Variants in CCER1 observed in about 807,000 individuals in gnomAD.
CCER1 encodes coiled-coil domain-containing glutamate-rich protein 1.
For missense variants in CCER1, 573 were observed against 524.5 expected (o/e 1.09, Z -0.90); for synonymous variants, 246 against 213.8 (o/e 1.15, Z -1.31).
chr12:90,954,009 C>A lies in CCER1; in HGVS notation c.734G>T (p.Gly245Val). The A allele has an allele frequency of 2.5e-6, 4 of 1,614,198 alleles. No individual in the cohort carries two copies. The highest frequency in any genetic ancestry group is 3.4e-6 in the Non-Finnish European group (4 of 1,180,044). The change falls in exon 1 of 1, where the codon GGA becomes GTA. Residue 245 changes from glycine (G) to valine (V), a missense_variant. Gly to Val is a moderately radical substitution (Grantham distance 109, BLOSUM62 -3). Transcript: ENST00000358859. The part of the protein sequence containing the change: ...APPGGSKETW[G>V]LQETLYGFVQ... ...AAAGCCATACAGAGTTTCCTGCAGT[C>A]CCCAGGTTTCCTTGCTGCCGCCAGG...
chr12:90,954,731 G>T lies in CCER1; in HGVS notation c.12C>A (p.Thr4=). MTQ[T]LDTREDPLNL... is the part of the protein sequence containing the mutation. ...TCAGAGGGTCTTCCCTTGTGTCGAG[G>T]GTCTGAGTCATGGTTCAGGGAGCTC... is the stretch of plus-strand genomic sequence containing the variant. Residue 4 remains threonine (T), a synonymous_variant, in exon 1 of 1, where the codon ACC becomes ACA. Coordinates refer to ENST00000358859, the MANE Select transcript of CCER1 (RefSeq NM_152638.4). 1 of 1,550,608 alleles carries T rather than the reference G, an allele frequency of 6.4e-7. No individual in the cohort carries two copies. Among genetic ancestry groups the T allele is most frequent in the South Asian group, 1.2e-5 (1 of 84,152 alleles).
At position 90,954,369 on chromosome 12, in the gene CCER1, CAG is replaced by C; in HGVS notation, c.372_373del (p.Cys124TrpfsTer53). The C allele has an allele frequency of 6.2e-7, 1 of 1,610,864 alleles. No individual in the cohort carries two copies. Among genetic ancestry groups the C allele is most frequent in the Non-Finnish European group, 8.5e-7 (1 of 1,179,918 alleles). ...CCAGCCAGGGTTCCAGGACCCGCTC[CAG>C]CAGGAGCAGCAGCAAAAGCAGAGAG... On this transcript the variant is annotated frameshift_variant, in exon 1 of 1. Coordinates refer to ENST00000358859, the MANE Select transcript of CCER1 (RefSeq NM_152638.4). LOFTEE classifies it low-confidence loss of function (END_TRUNC).
At position 90,954,656 on chromosome 12, in the gene CCER1, C is replaced by A; in HGVS notation, c.87G>T (p.Ser29=). The A allele has an allele frequency of 6.3e-7, 1 of 1,599,992 alleles. No individual in the cohort carries two copies. The highest frequency in any genetic ancestry group is 8.5e-7 in the Non-Finnish European group (1 of 1,174,612). The change falls in exon 1 of 1, where the codon TCG becomes TCT. Residue 29 remains serine (S), a synonymous_variant. Transcript: ENST00000358859. ...GGGCGCGWAH[S]ASLSSWSSCH... Reference sequence around the variant, plus strand: ...AGGACGACCAGGAGCTCAAGGAGGCCGAGTGTGCCCAGCCACAGCCACAGC... The same window carrying A: ...AGGACGACCAGGAGCTCAAGGAGGCAGAGTGTGCCCAGCCACAGCCACAGC...
chr12:90,953,272 T>A lies in CCER1; in HGVS notation c.*250A>T. Reference sequence around the variant, plus strand: ...AGGGGAAAACACCAAATGAAAATATTCAAATGGTAGTAATAAAATACTTGG... The same window carrying A: ...AGGGGAAAACACCAAATGAAAATATACAAATGGTAGTAATAAAATACTTGG... On this transcript the variant is annotated 3_prime_UTR_variant, in exon 1 of 1. Transcript: ENST00000358859. 1 of 387,132 alleles carries A rather than the reference T, an allele frequency of 2.6e-6. No homozygotes were observed. The highest frequency in any genetic ancestry group is 4.3e-5 in the Admixed American group (1 of 23,452). The allele number at this position is 387,132 out of a possible 1,614,324, so 24.0% of individuals were successfully genotyped here. A position where few individuals can be genotyped will look rare whatever the true frequency, so the allele number is the denominator to read the frequency against.
In CCER1 at chr12:90,954,331, C is replaced by A. The variant is rs868224869; in HGVS notation, c.412G>T (p.Gly138Cys). The A allele has an allele frequency of 1.2e-6, 2 of 1,606,464 alleles. No individual in the cohort carries two copies. The highest frequency in any genetic ancestry group is 8.5e-7 in the Non-Finnish European group (1 of 1,179,280). ...CTGCGGCCCCAGCGCTTCTTCCTGCCTGGGGGCTTCACCCAGCCAGGGTTC... is the reference window on the plus strand; with the variant it reads ...CTGCGGCCCCAGCGCTTCTTCCTGCATGGGGGCTTCACCCAGCCAGGGTTC... ...SWNPGWVKPPGRKKRWGRRGR... is the reference protein window; with the variant it reads ...SWNPGWVKPPCRKKRWGRRGR... Residue 138 changes from glycine (G) to cysteine (C), a missense_variant, in exon 1 of 1, where the codon GGC (glycine) becomes TGC (cysteine). Gly to Cys is a radical substitution (Grantham distance 159, BLOSUM62 -3). Coordinates refer to ENST00000358859, the MANE Select transcript of CCER1 (RefSeq NM_152638.4).
rs1281820384 is a variant in CCER1, at chr12:90,953,376, T to G, written c.*146A>C. On this transcript the variant is annotated 3_prime_UTR_variant, in exon 1 of 1. Transcript: ENST00000358859. ...ATAGTCATACACATACGCATCAAAT[T>G]TTAAACATTTTATAATGGCCAAAGA... The G allele has an allele frequency of 2.0e-6, 2 of 1,018,814 alleles. No homozygotes were observed. The highest frequency in any genetic ancestry group is 3.2e-5 in the African/African-American group (2 of 61,566). 63.1% of individuals were successfully genotyped at this position (1,018,814 alleles called of 1,614,324 possible). A position where few individuals can be genotyped will look rare whatever the true frequency, so the allele number is the denominator to read the frequency against.
Position 90,954,671 on chromosome 12 carries a change from A to G in CCER1, c.72T>C (p.Cys24=). Reference sequence around the variant, plus strand: ...TCAAGGAGGCCGAGTGTGCCCAGCCACAGCCACAGCCGCCGCCGCCACCGC... The same window carrying G: ...TCAAGGAGGCCGAGTGTGCCCAGCCGCAGCCACAGCCGCCGCCGCCACCGC... The part of the protein sequence containing the change: ...LGGGGGGGCG[C]GWAHSASLSS... The change falls in exon 1 of 1, where the codon TGT becomes TGC. Residue 24 remains cysteine (C), a synonymous_variant. Coordinates refer to ENST00000358859, the MANE Select transcript of CCER1 (RefSeq NM_152638.4). 1 of 1,592,540 alleles carries G rather than the reference A, an allele frequency of 6.3e-7. No homozygotes were observed. The highest frequency in any genetic ancestry group is 8.5e-7 in the Non-Finnish European group (1 of 1,170,572).
rs1000713090 is a variant in CCER1 at position 90,952,799 on chromosome 12, G to A, written c.*723C>T. ...GTTACCTTGGACTTTAACTAGATGTGCAAGTTGACTTCTGACCATGGGGAA... is the reference window on the plus strand; with the variant it reads ...GTTACCTTGGACTTTAACTAGATGTACAAGTTGACTTCTGACCATGGGGAA... On this transcript the variant is annotated 3_prime_UTR_variant, in exon 1 of 1. Coordinates refer to ENST00000358859, the MANE Select transcript of CCER1 (RefSeq NM_152638.4). 3.3e-5 allele frequency: 5 copies of A among 152,592 alleles called. No homozygotes were observed. The highest frequency in any genetic ancestry group is 1.3e-4 in the Admixed American group (2 of 15,284). 9.5% of individuals were successfully genotyped at this position (152,592 alleles called of 1,614,324 possible). A position where few individuals can be genotyped will look rare whatever the true frequency, so the allele number is the denominator to read the frequency against.
rs1274085445 is a variant in CCER1 at position 90,954,266 on chromosome 12, C to T, written c.477G>A (p.Pro159=). Residue 159 remains proline, a synonymous_variant, in exon 1 of 1, where the codon CCG becomes CCA. Coordinates refer to ENST00000358859, the MANE Select transcript of CCER1 (RefSeq NM_152638.4). ...GLRHHPRHSY[P]RSPPADVSTL... ...TGCTCACATCCGCTGGCGGGCTCCG[C>T]GGGTAGGAGTGGCGAGGGTGGTGGC... 3 of 1,602,634 alleles carry T rather than the reference C, an allele frequency of 1.9e-6. No homozygotes were observed. The highest frequency in any genetic ancestry group is 2.7e-5 in the African/African-American group (2 of 74,892).
In CCER1 at chr12:90,954,567, T is replaced by C. The variant is rs1188175921; in HGVS notation, c.176A>G (p.Glu59Gly). The change falls in exon 1 of 1, where the codon GAG becomes GGG. Residue 59 changes from glutamate to glycine, a missense_variant. By Grantham distance (98) the Glu-to-Gly change is moderately conservative. Transcript: ENST00000358859. ...CGGCTGCTTCCTTGGGGGCCCATAC[T>C]CGGTCTTGGGGCTATATCGGTGCGG... ...NRPHRYSPKTEYGPPRKQPKQ... is the reference protein window; with the variant it reads ...NRPHRYSPKTGYGPPRKQPKQ... 2 of 1,613,918 alleles carry C rather than the reference T, an allele frequency of 1.2e-6. No homozygotes were observed. Among genetic ancestry groups the C allele is most frequent in the East Asian group, 4.5e-5 (2 of 44,842 alleles).
At position 90,952,579 on chromosome 12, in the gene CCER1, T is replaced by C. The variant is rs868868702; in HGVS notation, c.*943A>G. On this transcript the variant is annotated 3_prime_UTR_variant, in exon 1 of 1. Transcript: ENST00000358859. ...ACACAGACTCACACTTACACATCTT[T>C]GTTTTACTCTTCTTTATAACAAAGA... 1.3e-5 allele frequency: 2 copies of C among 152,252 alleles called. No individual in the cohort carries two copies. Among genetic ancestry groups the C allele is most frequent in the Non-Finnish European group, 2.9e-5 (2 of 68,042 alleles). The allele number at this position is 152,252 out of a possible 1,614,324, so 9.4% of individuals were successfully genotyped here. A position where few individuals can be genotyped will look rare whatever the true frequency, so the allele number is the denominator to read the frequency against.
Position 90,955,100 on chromosome 12 carries a change from G to A in CCER1, c.-358C>T, listed in dbSNP as rs1876618363. On this transcript the variant is annotated 5_prime_UTR_variant, in exon 1 of 1. Transcript: ENST00000358859. ...TGCTGAGGCACGGGCTGGGGCCGGG[G>A]GAGGCAGGGGTTGCGCAGTTACCTG... The A allele has an allele frequency of 2.9e-6, 1 of 347,968 alleles. No individual in the cohort carries two copies. Among genetic ancestry groups the A allele is most frequent in the Non-Finnish European group, 5.5e-6 (1 of 181,356 alleles). The allele number at this position is 347,968 out of a possible 1,614,324, so 21.6% of individuals were successfully genotyped here.
Position 90,954,611 on chromosome 12 carries a change from AC to A in CCER1, c.131del (p.Gly44ValfsTer91). On this transcript the variant is annotated frameshift_variant, in exon 1 of 1. Coordinates refer to ENST00000358859, the MANE Select transcript of CCER1 (RefSeq NM_152638.4). LOFTEE classifies it low-confidence loss of function (END_TRUNC). ...GGTGCGGTCTATTGTACGCTGGAGC[AC>A]CCGGGCGCCTTCGATGGCAGGACGA... Reference protein sequence around the residue: ...SWSSCHRRRPGAPAYNRPHRY... With the variant: ...SWSSCHRRRPXAPAYNRPHRY... 1 of 1,613,410 alleles carries A rather than the reference AC, an allele frequency of 6.2e-7. No individual in the cohort carries two copies. The highest frequency in any genetic ancestry group is 8.5e-7 in the Non-Finnish European group (1 of 1,179,882).
chr12:90,953,558 C>A lies in CCER1; in HGVS notation c.1185G>T (p.Gln395His). 1 of 1,613,924 alleles carries A rather than the reference C, an allele frequency of 6.2e-7. No individual in the cohort carries two copies. Among genetic ancestry groups the A allele is most frequent in the South Asian group, 1.1e-5 (1 of 91,044 alleles). Residue 395 changes from glutamine to histidine, a missense_variant, in exon 1 of 1, where the codon CAG becomes CAT. By Grantham distance (24) the Gln-to-His change is conservative (BLOSUM62 0). Coordinates refer to ENST00000358859, the MANE Select transcript of CCER1 (RefSeq NM_152638.4). ...AGTCCTGTGCCATGAACAGGGATTC[C>A]TGTGGCACTTTGGGAATTATCTGCT... is the stretch of plus-strand genomic sequence containing the variant. ...NPEQIIPKVP[Q>H]ESLFMAQDFN...
chr12:90,954,643 A>G lies in CCER1; in HGVS notation c.100T>C (p.Ser34Pro). Reference sequence around the variant, plus strand: ...CGCCTTCGATGGCAGGACGACCAGGAGCTCAAGGAGGCCGAGTGTGCCCAG... The same window carrying G: ...CGCCTTCGATGGCAGGACGACCAGGGGCTCAAGGAGGCCGAGTGTGCCCAG... ...CGWAHSASLS[S>P]WSSCHRRRPG... The change falls in exon 1 of 1, where the codon TCC (serine) becomes CCC (proline). Residue 34 changes from serine to proline, a missense_variant. Physicochemically the swap from Ser to Pro is moderately conservative, Grantham distance 74. Coordinates refer to ENST00000358859, the MANE Select transcript of CCER1 (RefSeq NM_152638.4). The G allele has an allele frequency of 6.2e-7, 1 of 1,609,124 alleles. No homozygotes were observed. The highest frequency in any genetic ancestry group is 8.5e-7 in the Non-Finnish European group (1 of 1,178,452).
Position 90,953,714 on chromosome 12 carries a change from TTCCTCTTCCAGCTCC to T in CCER1, c.1014_1028del (p.Leu340_Glu344del), listed in dbSNP as rs753281611. 1.3e-4 allele frequency: 215 copies of T among 1,609,450 alleles called. No homozygotes were observed. Among genetic ancestry groups the T allele is most frequent in the South Asian group, 3.3e-4 (30 of 90,996 alleles). On this transcript the variant is annotated inframe_deletion, in exon 1 of 1. Transcript: ENST00000358859. ...GCTCGTTCTCCTCCAGGACCTCCTC[TTCCTCTTCCAGCTCC>T]TCCTCTTCCAGCTCCTCCTCTCCCT...
In CCER1 at chr12:90,952,785, C is replaced by CT. The variant is rs1333781696; in HGVS notation, c.*736dup. 1 of 152,590 alleles carries CT rather than the reference C, an allele frequency of 6.6e-6. No homozygotes were observed. The highest frequency in any genetic ancestry group is 2.4e-5 in the African/African-American group (1 of 41,432). 9.5% of individuals were successfully genotyped at this position (152,590 alleles called of 1,614,324 possible). A position where few individuals can be genotyped will look rare whatever the true frequency, so the allele number is the denominator to read the frequency against. On this transcript the variant is annotated 3_prime_UTR_variant, in exon 1 of 1. Transcript: ENST00000358859. ...TTCCACTGTTTGCAGTTACCTTGGA[C>CT]TTTAACTAGATGTGCAAGTTGACTT... is the stretch of plus-strand genomic sequence containing the variant.
rs189723536 is a variant in CCER1, at chr12:90,954,694, C to G, written c.49G>C (p.Gly17Arg). The G allele has an allele frequency of 7.6e-6, 12 of 1,573,228 alleles. No individual in the cohort carries two copies. The African/African-American group carries it at 1.6e-4, about 21-fold the overall frequency. Residue 17 changes from glycine to arginine, a missense_variant, in exon 1 of 1, where the codon GGT becomes CGT. Gly to Arg is a moderately radical substitution (Grantham distance 125). Coordinates refer to ENST00000358859, the MANE Select transcript of CCER1 (RefSeq NM_152638.4). ...CCACAGCCACAGCCGCCGCCGCCAC[C>G]GCCGCCCAGGTTCAGAGGGTCTTCC... ...TREDPLNLGG[G>R]GGGGCGCGWA...
At position 90,954,303 on chromosome 12, in the gene CCER1, C is replaced by A; in HGVS notation, c.440G>T (p.Gly147Val). The A allele has an allele frequency of 6.2e-7, 1 of 1,600,712 alleles. No individual in the cohort carries two copies. The highest frequency in any genetic ancestry group is 2.2e-5 in the East Asian group (1 of 44,810). Residue 147 changes from glycine (G) to valine (V), a missense_variant, in exon 1 of 1, where the codon GGC becomes GTC. Coordinates refer to ENST00000358859, the MANE Select transcript of CCER1 (RefSeq NM_152638.4). ...GCGAGGGTGGTGGCGCAGGCCGCGG[C>A]CTCTGCGGCCCCAGCGCTTCTTCCT... ...PGRKKRWGRRGRGLRHHPRHS... is the reference protein window; with the variant it reads ...PGRKKRWGRRVRGLRHHPRHS...
Sources: allele counts gnomAD v4.1 joint callset, GRCh38; gene constraint gnomAD v4.1.1; transcripts MANE v1.5; gene names NCBI Gene and HGNC (gene_info 2026-07-23, HGNC 2026-07-21).